The following MEIKIN variants were observed in gnomAD, a reference collection of about 807,000 sequenced individuals.
MEIKIN encodes the protein meiosis-specific kinetochore protein.
At chr5:131,834,114 AACTG>A (rs1464514862) in intron 11 of MEIKIN, among the ~76,000 whole-genome samples, 8 of 152,200 alleles carry the variant, frequency 5.3e-5, no homozygotes, top group Non-Finnish European at 8.8e-5. Flanking sequence ...GGCTGTACAA[AACTG>A]ACTGCAAATA....
intron 4 of MEIKIN, among the ~76,000 whole-genome samples, chr5:131,938,318 C>A (rs1212381690): frequency 1.3e-5 from 2 of 151,964 alleles, no homozygotes; most frequent in Non-Finnish European, 2.9e-5. Context: ...GAGGTGCACA[C>A]CGCCATGCCC....
intron 8 of MEIKIN, among the ~76,000 whole-genome samples, chr5:131,909,160 T>C (rs1246392320): frequency 6.6e-6 from 1 of 152,156 alleles, no homozygotes; most frequent in African/African-American, 2.4e-5. Flanking sequence ...TACGTGACTT[T>C]AAATTATACT....
At chr5:131,893,296 G>A (rs964025706) in intron 8 of MEIKIN, among the ~76,000 whole-genome samples, 5 of 152,250 alleles carry the variant, frequency 3.3e-5, no homozygotes, top group Admixed American at 6.5e-5. Flanking sequence ...AATGGTGGGC[G>A]CCCCTCCCCC....
chr5:131,945,382 C>T lies in MEIKIN; in HGVS notation c.106+18G>A, dbSNP rs777396501. 8 of 398,900 alleles carry T rather than the reference C, an allele frequency of 2.0e-5. No homozygotes were observed. Among genetic ancestry groups the T allele is most frequent in the Admixed American group, 1.8e-4 (4 of 22,724 alleles). 24.7% of individuals were successfully genotyped at this position (398,900 alleles called of 1,614,324 possible). A position where few individuals can be genotyped will look rare whatever the true frequency, so the allele number is the denominator to read the frequency against. On this transcript the variant is annotated intron_variant, in intron 1 of 12. Transcript: ENST00000442687. ...GCAGCTCGGCTGAGCTTACGGTGGG[C>T]GAGCCTTGAGCCTGTACCTGGCGGG...
intron 8 of MEIKIN, among the ~76,000 whole-genome samples, chr5:131,891,308 T>C (rs909292939): frequency 6.6e-6 from 1 of 152,152 alleles, no homozygotes; most frequent in Admixed American, 6.6e-5. Context: ...TCTAATGTTG[T>C]CAGTGGGTTG....
chr5:131,911,774 T>C, intron 8 of MEIKIN, 41 bp downstream of exon 8: 1 of 396,334 alleles, frequency 2.5e-6, no homozygotes, highest in Non-Finnish European at 4.5e-6. Flanking sequence ...ACATAAATAT[T>C]ACAATTACTA....
intron 5 of MEIKIN, among the ~76,000 whole-genome samples, chr5:131,933,308 TCATC>T (rs994081581): frequency 2.1e-4 from 32 of 152,252 alleles, no homozygotes; most frequent in Non-Finnish European, 4.3e-4. Context: ...TGACATTTCT[TCATC>T]CTTCCTTGAT....
intron 5 of MEIKIN, among the ~76,000 whole-genome samples, chr5:131,927,561 T>C (rs528332297): frequency 1.3e-5 from 2 of 152,364 alleles, no homozygotes; most frequent in Admixed American, 6.5e-5. Flanking sequence ...AAGTGGGTTA[T>C]ACTGAATTAT....
At chr5:131,837,142 C>G (rs530829885) in intron 11 of MEIKIN, among the ~76,000 whole-genome samples, 23 of 152,178 alleles carry the variant, frequency 1.5e-4, no homozygotes, top group African/African-American at 5.1e-4. Flanking sequence ...TTTTCCTTTG[C>G]TTGCTTTTCT....
intron 11 of MEIKIN, among the ~76,000 whole-genome samples, chr5:131,834,405 T>C (rs923896910): frequency 6.6e-6 from 1 of 152,216 alleles, no homozygotes; most frequent in Non-Finnish European, 1.5e-5. Flanking sequence ...TTATTAACTA[T>C]AGCCACCATG....
intron 11 of MEIKIN, among the ~76,000 whole-genome samples, chr5:131,849,148 C>T (rs935063389): frequency 6.6e-6 from 1 of 151,946 alleles, no homozygotes; most frequent in Non-Finnish European, 1.5e-5. Flanking sequence ...GGAGGTGGGC[C>T]CTGGTGGGAG....
At chr5:131,921,709 T>A in intron 6 of MEIKIN, 113 bp downstream of exon 6, 1 of 394,120 alleles carries the variant, frequency 2.5e-6, no homozygotes, top group Non-Finnish European at 4.5e-6. Flanking sequence ...TTAGATATTA[T>A]CTGTAGCCAA....
chr5:131,863,708 C>T (rs889228942), intron 9 of MEIKIN, among the ~76,000 whole-genome samples: 31 of 152,040 alleles, frequency 2.0e-4, no homozygotes, highest in African/African-American at 6.3e-4. Flanking sequence ...ACCCAAATCT[C>T]ATCTTGTAGC....
rs1750287662 is a variant in MEIKIN, at chr5:131,861,668, TCA to T, written c.775-6836_775-6835del. Among the ~76,000 whole-genome samples the T allele has an allele frequency of 2.0e-5, 3 of 152,210 alleles. No individual in the cohort carries two copies. The South Asian group carries it at 6.2e-4, about 32-fold the overall frequency. On this transcript the variant is annotated intron_variant, in intron 9 of 12. Coordinates refer to ENST00000442687, the MANE Select transcript of MEIKIN (RefSeq NM_001303622.2). ...TGAGAGTTTTTGTCATGAAGGATGT[TCA>T]GTTTTATCAAATTCTTTTTCTGCAT... is the stretch of plus-strand genomic sequence containing the variant.
chr5:131,895,232 T>C (rs1417465284), intron 8 of MEIKIN, among the ~76,000 whole-genome samples: 1 of 152,246 alleles, frequency 6.6e-6, no homozygotes, highest in Non-Finnish European at 1.5e-5. Flanking sequence ...ATTTCAGGGA[T>C]GAAGCCCACT....
chr5:131,912,097 G>A (rs35149731), intron 7 of MEIKIN, among the ~76,000 whole-genome samples: 37,439 of 151,862 alleles, frequency 0.25, 6,096 homozygotes, highest in Non-Finnish European at 0.37. Context: ...AACAATATGC[G>A]TAGAGGACAG....
intron 9 of MEIKIN, among the ~76,000 whole-genome samples, chr5:131,862,758 A>G (rs1750309785): frequency 6.6e-6 from 1 of 152,198 alleles, no homozygotes; most frequent in Non-Finnish European, 1.5e-5. Context: ...GTGCACTAGC[A>G]CTACTGTAGC....
chr5:131,832,262 G>A (rs372075643), intron 11 of MEIKIN, among the ~76,000 whole-genome samples: 2 of 152,104 alleles, frequency 1.3e-5, no homozygotes, highest in African/African-American at 4.8e-5. Context: ...TGGGTTACAG[G>A]GCCCATGCAA....
At chr5:131,930,478 G>T (rs1290760177) in intron 5 of MEIKIN, among the ~76,000 whole-genome samples, 1 of 152,120 alleles carries the variant, frequency 6.6e-6, no homozygotes, top group African/African-American at 2.4e-5. Flanking sequence ...CTGTGCAGAA[G>T]CTCTTCAGTT....
Sources: gnomAD v4.1 joint callset for allele counts (sites outside exome capture counted in the v4.1 genomes callset) on GRCh38, gnomAD v4.1.1 for gene constraint, MANE v1.5 for transcripts, NCBI Gene and HGNC (gene_info 2026-07-23, HGNC 2026-07-21) for gene names.